Variants in DOK6 observed in about 807,000 individuals in gnomAD.
DOK6 encodes docking protein 6, also known as downstream of tyrosine kinase 6.
DOK6 carries 22 observed loss-of-function variants against 44.0 expected under a neutral mutation model. The ratio of observed to expected loss-of-function variants is 0.50; its 90% CI spans 0.36 to 0.71. The LOEUF is 0.71. DOK6 is among the 30% of genes least tolerant of loss of function. DOK6 has a pLI of 0.00. For synonymous variants in DOK6, 166 were observed against 145.5 expected, an observed-to-expected ratio of 1.14 and a Z score of -1.01; for missense variants, 340 against 416.4, an observed-to-expected ratio of 0.82 and a Z score of 1.60.
chr18:69,741,304 C>A (rs1281903163), intron 6 of DOK6, among the ~76,000 whole-genome samples: 2 of 152,190 alleles, frequency 1.3e-5, no homozygotes, highest in Non-Finnish European at 2.9e-5. Flanking sequence ...CTTTTCTCTG[C>A]AGGTTAATGC....
In DOK6 at chr18:69,848,019, TCACA is replaced by T. The variant is rs59389862; in HGVS notation, c.*6677_*6680del. ...CCTCCACCCCAACCTTAGTGCATGCTCACACACACACACACACACACACACACAC... is the reference window on the plus strand; with the variant it reads ...CCTCCACCCCAACCTTAGTGCATGCTCACACACACACACACACACACACAC... On this transcript the variant is annotated 3_prime_UTR_variant, in exon 8 of 8. Coordinates refer to ENST00000382713, the MANE Select transcript of DOK6 (RefSeq NM_152721.6). The T allele has an allele frequency of 0.096, 13,777 of 143,480 alleles. 1,000 individuals are homozygous for T. Among genetic ancestry groups the T allele is most frequent in the African/African-American group, 0.21 (8,107 of 38,172 alleles). 8.9% of individuals were successfully genotyped at this position (143,480 alleles called of 1,614,324 possible). A position where few individuals can be genotyped will look rare whatever the true frequency, so the allele number is the denominator to read the frequency against.
chr18:69,456,700 T>C (rs1358856987), intron 1 of DOK6, among the ~76,000 whole-genome samples: 4 of 152,154 alleles, frequency 2.6e-5, no homozygotes, highest in Non-Finnish European at 5.9e-5. Flanking sequence ...GGTAGCTCCA[T>C]TTTAAGTTCT....
chr18:69,481,736 C>T (rs1191416485), intron 1 of DOK6, among the ~76,000 whole-genome samples: 1 of 152,000 alleles, frequency 6.6e-6, no homozygotes, highest in Non-Finnish European at 1.5e-5. Context: ...GGGTATATAC[C>T]CAGTAATGGG....
At chr18:69,743,410 C>T (rs1175169436) in intron 6 of DOK6, among the ~76,000 whole-genome samples, 1 of 152,062 alleles carries the variant, frequency 6.6e-6, no homozygotes, top group East Asian at 1.9e-4. Flanking sequence ...TGATAGAAGC[C>T]ACTCATCAGA....
chr18:69,435,319 C>G (rs1978946349), intron 1 of DOK6, among the ~76,000 whole-genome samples: 1 of 152,164 alleles, frequency 6.6e-6, no homozygotes, highest in African/African-American at 2.4e-5. Flanking sequence ...TATTAATCAT[C>G]TATTTATCAA....
intron 7 of DOK6, among the ~76,000 whole-genome samples, chr18:69,759,747 ACT>A (rs1979481570): frequency 6.6e-6 from 1 of 152,084 alleles, no homozygotes; most frequent in Non-Finnish European, 1.5e-5. Flanking sequence ...TGATTGAAAT[ACT>A]CTCACTGATG....
At chr18:69,411,409 G>A (rs1342085315) in intron 1 of DOK6, among the ~76,000 whole-genome samples, 1 of 152,156 alleles carries the variant, frequency 6.6e-6, no homozygotes, top group Non-Finnish European at 1.5e-5. Context: ...GAGCCAATAA[G>A]AAGTGAGTTT....
intron 6 of DOK6, among the ~76,000 whole-genome samples, chr18:69,748,309 C>G (rs1979056043): frequency 6.6e-6 from 1 of 151,832 alleles, no homozygotes; most frequent in South Asian, 2.1e-4. Flanking sequence ...ATTTAACACC[C>G]CGCTGTCAAT....
chr18:69,604,552 T>C (rs943779027), intron 3 of DOK6, among the ~76,000 whole-genome samples: 1 of 152,230 alleles, frequency 6.6e-6, no homozygotes, highest in South Asian at 2.1e-4. Context: ...ATTTCTTTTT[T>C]AAAACTACTT....
intron 3 of DOK6, among the ~76,000 whole-genome samples, chr18:69,653,256 A>G (rs1985276614): frequency 6.6e-6 from 1 of 151,848 alleles, no homozygotes; most frequent in African/African-American, 2.4e-5. Flanking sequence ...AGAAGAGGCT[A>G]TGGCAGATAG....
At position 69,513,925 on chromosome 18, in the gene DOK6, A is replaced by G. The variant is rs1981444619; in HGVS notation, c.67-50562A>G. On this transcript the variant is annotated intron_variant, in intron 1 of 7. Transcript: ENST00000382713. ...ATTTGTCAGATTAAAATTTAATAAA[A>G]TGTTAGGTATCTCGTAAGGTTTAAA... Among the ~76,000 whole-genome samples, 8 of 152,300 alleles carry G rather than the reference A, an allele frequency of 5.3e-5. No individual in the cohort carries two copies. The South Asian group carries it at 1.7e-3, about 32-fold the overall frequency.
chr18:69,736,455 T>A (rs1025816676), intron 5 of DOK6, among the ~76,000 whole-genome samples: 1 of 151,892 alleles, frequency 6.6e-6, no homozygotes, highest in Non-Finnish European at 1.5e-5. Flanking sequence ...CTATTTTAGA[T>A]AAGAAAAAAA....
intron 3 of DOK6, among the ~76,000 whole-genome samples, chr18:69,673,761 TA>T (rs1985860648): frequency 1.3e-5 from 2 of 152,248 alleles, no homozygotes; most frequent in African/African-American, 4.8e-5. Context: ...GAGAAAAAGT[TA>T]TTTACTCAAT....
chr18:69,697,081 A>G (rs927185820), intron 4 of DOK6, among the ~76,000 whole-genome samples: 1 of 152,188 alleles, frequency 6.6e-6, no homozygotes, highest in Admixed American at 6.5e-5. Flanking sequence ...TATTGTTTTT[A>G]TGGCTAGTTA....
intron 1 of DOK6, among the ~76,000 whole-genome samples, chr18:69,438,945 G>A (rs9952977): frequency 0.062 from 9,419 of 152,130 alleles, 307 homozygotes; most frequent in Middle Eastern, 0.12. Context: ...TGTAGCACAC[G>A]CCTGTAGTTC....
At chr18:69,645,516 C>G (rs1485391827) in intron 3 of DOK6, among the ~76,000 whole-genome samples, 1 of 152,022 alleles carries the variant, frequency 6.6e-6, no homozygotes, top group Non-Finnish European at 1.5e-5. Context: ...GTAAGCTCAT[C>G]TATTAAAAGA....
At chr18:69,455,887 T>A (rs1979621180) in intron 1 of DOK6, among the ~76,000 whole-genome samples, 1 of 152,128 alleles carries the variant, frequency 6.6e-6, no homozygotes, top group South Asian at 2.1e-4. Flanking sequence ...ACAACATTAA[T>A]CTTATTTCCC....
At chr18:69,462,108 T>C (rs1979805182) in intron 1 of DOK6, among the ~76,000 whole-genome samples, 1 of 152,230 alleles carries the variant, frequency 6.6e-6, no homozygotes, top group Non-Finnish European at 1.5e-5. Flanking sequence ...TTTGGATATC[T>C]TCCTTGAAAT....
chr18:69,437,380 G>A (rs1599130785), intron 1 of DOK6, among the ~76,000 whole-genome samples: 1 of 152,156 alleles, frequency 6.6e-6, no homozygotes. Context: ...CATATGGCTA[G>A]CCAGTTTTCC....
Sources: allele counts gnomAD v4.1 joint callset (sites outside exome capture counted in the v4.1 genomes callset), GRCh38; gene constraint gnomAD v4.1.1; transcripts MANE v1.5; gene names NCBI Gene and HGNC (gene_info 2026-07-23, HGNC 2026-07-21).